LPAR1: variants seen among roughly 807,000 people sequenced by gnomAD.
The protein encoded by LPAR1 is LPA receptor 1.
In LPAR1, 5 loss-of-function variants were observed where a neutral mutation model predicts 23.8. The ratio of observed to expected loss-of-function variants is 0.21; its 90% CI spans 0.11 to 0.44. The LOEUF is 0.44. Among genes scored for constraint, LPAR1 ranks in the 20% least tolerant of loss-of-function variants. The probability of loss-of-function intolerance (pLI) is 0.99; values close to 1 mark genes in which losing one functional copy is unlikely to be tolerated. For synonymous variants in LPAR1, 160 were observed against 164.7 expected, an observed-to-expected ratio of 0.97 and a Z score of 0.22; for missense variants, 311 against 482.8, an observed-to-expected ratio of 0.64 and a Z score of 3.33.
chr9:110,879,589 T>C (rs920786054), intron 5 of LPAR1, among the ~76,000 whole-genome samples: 2 of 152,168 alleles, frequency 1.3e-5, no homozygotes, highest in African/African-American at 4.8e-5. Flanking sequence ...CACATTACAA[T>C]AGTCTGCAGA....
intron 2 of LPAR1, among the ~76,000 whole-genome samples, chr9:110,995,070 C>T (rs759773511): frequency 6.6e-6 from 1 of 152,152 alleles, no homozygotes; most frequent in Non-Finnish European, 1.5e-5. Context: ...CAATGTGGCC[C>T]TAAGTACTTC....
chr9:110,996,053 C>T (rs1246079150), intron 2 of LPAR1, among the ~76,000 whole-genome samples: 1 of 152,096 alleles, frequency 6.6e-6, no homozygotes, highest in East Asian at 1.9e-4. Context: ...TAAAAACCAA[C>T]CGGAGACCTA....
At chr9:110,949,916 C>T (rs1035096824) in intron 4 of LPAR1, among the ~76,000 whole-genome samples, 12 of 152,038 alleles carry the variant, frequency 7.9e-5, no homozygotes, top group African/African-American at 2.9e-4. Flanking sequence ...TAATTAACCA[C>T]TCTAACAAAT....
chr9:110,883,082 C>A (rs951643563), intron 5 of LPAR1, among the ~76,000 whole-genome samples: 6 of 152,262 alleles, frequency 3.9e-5, no homozygotes, highest in South Asian at 2.1e-4. Flanking sequence ...CTCTGTCATC[C>A]AGGCTGGAGT....
At chr9:110,951,231 A>G (rs1435653535) in intron 4 of LPAR1, among the ~76,000 whole-genome samples, 1 of 152,100 alleles carries the variant, frequency 6.6e-6, no homozygotes, top group Non-Finnish European at 1.5e-5. Context: ...GAAGAAAATG[A>G]AAAAATATAT....
chr9:111,029,096 AC>A (rs1333071973), intron 2 of LPAR1, among the ~76,000 whole-genome samples: 1 of 152,244 alleles, frequency 6.6e-6, no homozygotes, highest in Non-Finnish European at 1.5e-5. Flanking sequence ...AAGAAAAATA[AC>A]CTAAAGAATT....
In LPAR1 at chr9:110,965,568, T is replaced by C. The variant is rs149343448; in HGVS notation, c.45+6505A>G. ...AGAGAAATGCAAATCAAAACCACAA[T>C]GAGATACCATCTCACACCAGTTAGA... is the stretch of plus-strand genomic sequence containing the variant. On this transcript the variant is annotated intron_variant, in intron 4 of 5. Coordinates refer to ENST00000683809, the MANE Select transcript of LPAR1 (RefSeq NM_001351411.2). Among the ~76,000 whole-genome samples, 361 of 152,252 alleles carry C rather than the reference T, an allele frequency of 2.4e-3. 1 individual carries two copies. The highest frequency in any genetic ancestry group is 8.2e-3 in the African/African-American group (341 of 41,542).
In LPAR1 at chr9:110,959,876, A is replaced by G. The variant is rs185858419; in HGVS notation, c.45+12197T>C. Reference sequence around the variant, plus strand: ...GAATGGAGTGGGGGGCAGTCCTTATATTAAGCGAAATAAGCCAGACACAGA... The same window carrying G: ...GAATGGAGTGGGGGGCAGTCCTTATGTTAAGCGAAATAAGCCAGACACAGA... On this transcript the variant is annotated intron_variant, in intron 4 of 5. Transcript: ENST00000683809. Among the ~76,000 whole-genome samples the G allele has an allele frequency of 9.8e-3, 1,485 of 152,274 alleles. 11 individuals are homozygous for G. Among genetic ancestry groups the G allele is most frequent in the Non-Finnish European group, 0.015 (1,040 of 68,002 alleles).
At chr9:110,906,385 T>A (rs1372076037) in intron 5 of LPAR1, among the ~76,000 whole-genome samples, 1 of 152,228 alleles carries the variant, frequency 6.6e-6, no homozygotes. Flanking sequence ...AAAAAACTTA[T>A]TTCAAGCCAT....
At chr9:111,002,597 A>G (rs577219961) in intron 2 of LPAR1, among the ~76,000 whole-genome samples, 35 of 152,334 alleles carry the variant, frequency 2.3e-4, no homozygotes, top group African/African-American at 8.4e-4. Context: ...TAATAATGGG[A>G]GGTAATGAGG....
intron 5 of LPAR1, among the ~76,000 whole-genome samples, chr9:110,888,898 G>A (rs1230912309): frequency 1.3e-5 from 2 of 152,190 alleles, no homozygotes; most frequent in Non-Finnish European, 2.9e-5. Context: ...TGGCAAGGAG[G>A]ACACTGATGA....
chr9:110,921,999 G>T (rs1363490967), intron 5 of LPAR1, among the ~76,000 whole-genome samples: 3 of 152,318 alleles, frequency 2.0e-5, no homozygotes, highest in African/African-American at 7.2e-5. Context: ...AAGTTACAGA[G>T]ACTGCTGCTG....
rs540338093 is a variant in LPAR1, at chr9:110,887,298, G to A, written c.794-11576C>T. Among the ~76,000 whole-genome samples, 114 of 151,850 alleles carry A rather than the reference G, an allele frequency of 7.5e-4. 1 individual carries two copies. The South Asian group carries it at 0.021, about 28-fold the overall frequency. ...AATATTAAAAATTTAATCTAAAAGCGAATTCAGAAAACTTTGTGAATTATT... is the reference window on the plus strand; with the variant it reads ...AATATTAAAAATTTAATCTAAAAGCAAATTCAGAAAACTTTGTGAATTATT... On this transcript the variant is annotated intron_variant, in intron 5 of 5. Coordinates refer to ENST00000683809, the MANE Select transcript of LPAR1 (RefSeq NM_001351411.2).
intron 4 of LPAR1, among the ~76,000 whole-genome samples, chr9:110,955,633 G>A (rs1485362564): frequency 6.6e-6 from 1 of 150,888 alleles, no homozygotes; most frequent in African/African-American, 2.4e-5. Flanking sequence ...TCAGCACATG[G>A]AACAGTTCCC....
intron 4 of LPAR1, among the ~76,000 whole-genome samples, chr9:110,958,198 T>C (rs1053341209): frequency 1.3e-5 from 2 of 152,118 alleles, no homozygotes; most frequent in African/African-American, 2.4e-5. Context: ...AAAATACCAA[T>C]GTCATTTTTC....
intron 2 of LPAR1, among the ~76,000 whole-genome samples, chr9:110,979,437 C>A (rs2096623924): frequency 6.6e-6 from 1 of 151,944 alleles, no homozygotes; most frequent in Non-Finnish European, 1.5e-5. Context: ...AAATGACTAA[C>A]TCAAAATATT....
At chr9:111,004,680 T>C (rs2097183177) in intron 2 of LPAR1, among the ~76,000 whole-genome samples, 1 of 152,196 alleles carries the variant, frequency 6.6e-6, no homozygotes, top group African/African-American at 2.4e-5. Flanking sequence ...ATCCTCTTCC[T>C]CTGATGACTA....
intron 5 of LPAR1, among the ~76,000 whole-genome samples, chr9:110,890,490 C>T (rs577650521): frequency 6.6e-6 from 1 of 152,102 alleles, no homozygotes; most frequent in African/African-American, 2.4e-5. Flanking sequence ...ATCTCCCCCC[C>T]ACAAAACTAC....
At chr9:111,032,474 C>A (rs965910846) in intron 2 of LPAR1, among the ~76,000 whole-genome samples, 1 of 152,160 alleles carries the variant, frequency 6.6e-6, no homozygotes, top group Admixed American at 6.5e-5. Flanking sequence ...CTTATTCACA[C>A]TCACCCCTAG....
Sources: allele counts gnomAD v4.1 joint callset (sites outside exome capture counted in the v4.1 genomes callset), GRCh38; gene constraint gnomAD v4.1.1; transcripts MANE v1.5; gene names NCBI Gene and HGNC (gene_info 2026-07-23, HGNC 2026-07-21).